The following ABL1 variants were observed in gnomAD, a reference collection of about 807,000 sequenced individuals.
The protein encoded by ABL1 is ABL proto-oncogene 1, non-receptor tyrosine kinase.
In ABL1, 11 loss-of-function variants were observed where a neutral mutation model predicts 94.7. The observed-to-expected ratio is 0.12, with a 90% CI of 0.07 to 0.19. ABL1 has a LOEUF of 0.19. Among genes scored for constraint, ABL1 ranks in the 10% least tolerant of loss-of-function variants. The pLI is 1.00. For synonymous variants in ABL1, 656 were observed against 622.4 expected (o/e 1.05, Z -0.80); for missense variants, 1,082 against 1,489.4 (o/e 0.73, Z 4.50).
chr9:130,815,042 TAATC>T lies in ABL1; in HGVS notation c.137-39020_137-39017del, dbSNP rs1830264242. Among the ~76,000 whole-genome samples the T allele has an allele frequency of 2.7e-5, 4 of 149,968 alleles. No homozygotes were observed. In the South Asian group the frequency reaches 8.5e-4, roughly 32 times the overall value. The stretch of plus-strand genomic sequence containing the variant: ...GTCTGACTTAAAGTCTTAATTAAAA[TAATC>T]AGACAGGCCGGGCATGGTGGCTCAC... On this transcript the variant is annotated intron_variant, in intron 1 of 10. Transcript: ENST00000372348.
chr9:130,875,524 CT>C, intron 7 of ABL1, among the ~76,000 whole-genome samples: 1 of 151,276 alleles, frequency 6.6e-6, no homozygotes, highest in Admixed American at 6.6e-5. Context: ...TCTGTTAAGT[CT>C]CCTCTATAAG....
At chr9:130,882,746 G>A (rs1831482142) in intron 10 of ABL1, among the ~76,000 whole-genome samples, 1 of 152,130 alleles carries the variant, frequency 6.6e-6, no homozygotes, top group Non-Finnish European at 1.5e-5. Flanking sequence ...ATGTTGGCCA[G>A]GATGGTCTCT....
At chr9:130,842,543 A>G (rs1487002944) in intron 1 of ABL1, among the ~76,000 whole-genome samples, 1 of 152,214 alleles carries the variant, frequency 6.6e-6, no homozygotes, top group Non-Finnish European at 1.5e-5. Flanking sequence ...AAATACCATG[A>G]GGGTGGGGAG....
chr9:130,799,362 C>T (rs1172669358), intron 1 of ABL1, among the ~76,000 whole-genome samples: 1 of 152,122 alleles, frequency 6.6e-6, no homozygotes, highest in African/African-American at 2.4e-5. Flanking sequence ...CAGATTGACA[C>T]TAGGAAAGAG....
intron 1 of ABL1, among the ~76,000 whole-genome samples, chr9:130,848,282 C>G (rs1019507035): frequency 1.4e-5 from 2 of 144,116 alleles, no homozygotes; most frequent in African/African-American, 5.1e-5. Context: ...GAGTAGATCA[C>G]TTGAGACCAG....
At chr9:130,808,869 T>G (rs1026423698) in intron 1 of ABL1, among the ~76,000 whole-genome samples, 2 of 152,190 alleles carry the variant, frequency 1.3e-5, no homozygotes, top group African/African-American at 2.4e-5. Flanking sequence ...CTGAAACAAC[T>G]GTAAAACTGG....
chr9:130,798,961 C>T (rs979577168), intron 1 of ABL1, among the ~76,000 whole-genome samples: 21 of 86,712 alleles, frequency 2.4e-4, no homozygotes, highest in Non-Finnish European at 3.8e-4. Flanking sequence ...GCAGAGACTC[C>T]GTCTCAAAAA....
Position 130,872,872 on chromosome 9 carries a change from G to A in ABL1, c.920G>A (p.Arg307Gln), listed in dbSNP as rs760861323. Reference sequence around the variant, plus strand: ...GTCTTGTTGGCAGGGGTCTGCACCCGGGAGCCCCCGTTCTATATCATCACT... The same window carrying A: ...GTCTTGTTGGCAGGGGTCTGCACCCAGGAGCCCCCGTTCTATATCATCACT... ...NLVQLLGVCT[R>Q]EPPFYIITEF... The change falls in exon 6 of 11, where the codon CGG becomes CAG. Residue 307 changes from arginine to glutamine, a missense_variant. This residue lies in a region of ABL1 where 92 missense variants were observed against 212.3 expected (regional missense o/e 0.43). Transcript: ENST00000318560. This position sits in a 1 kb window ranked among gnomAD's most constrained non-coding sequence, Gnocchi z 5.0. 3.1e-6 allele frequency: 5 copies of A among 1,611,062 alleles called. No homozygotes were observed. The highest frequency in any genetic ancestry group is 1.1e-5 in the South Asian group (1 of 90,910).
intron 1 of ABL1, among the ~76,000 whole-genome samples, chr9:130,736,829 T>A (rs1831750915): frequency 6.6e-6 from 1 of 152,168 alleles, no homozygotes; most frequent in Non-Finnish European, 1.5e-5. Context: ...AGATACATAC[T>A]TATCTTTCTG....
chr9:130,722,165 G>T (rs1831524909), intron 1 of ABL1, among the ~76,000 whole-genome samples: 1 of 152,012 alleles, frequency 6.6e-6, no homozygotes, highest in Non-Finnish European at 1.5e-5. Flanking sequence ...GGCTGAGGCG[G>T]GTGGATCACC....
At chr9:130,786,874 G>A (rs940798492) in intron 1 of ABL1, among the ~76,000 whole-genome samples, 8 of 152,166 alleles carry the variant, frequency 5.3e-5, no homozygotes, top group Non-Finnish European at 8.8e-5. Flanking sequence ...GGACCAATAA[G>A]GATGGAAGAA....
intron 1 of ABL1, among the ~76,000 whole-genome samples, chr9:130,768,629 G>T (rs1044467492): frequency 6.6e-6 from 1 of 152,210 alleles, no homozygotes; most frequent in Non-Finnish European, 1.5e-5. Flanking sequence ...GGCTCTGTCT[G>T]ACCCTGTCTG....
In ABL1 at chr9:130,779,777, G is replaced by A. The variant is rs35861896; in HGVS notation, c.136+65322G>A. Among the ~76,000 whole-genome samples, 1,347 of 152,252 alleles carry A rather than the reference G, an allele frequency of 8.8e-3. 20 individuals carry two copies. The highest frequency in any genetic ancestry group is 0.031 in the African/African-American group (1,280 of 41,540). On this transcript the variant is annotated intron_variant, in intron 1 of 10. Transcript: ENST00000372348. ...AAATGTCATACTCTTGATGCTTTTA[G>A]GTAGCTATTATCTTGGTAAGGATAA...
intron 10 of ABL1, 146 bp from the exon 11 acceptor site, chr9:130,883,822 GT>G: frequency 9.6e-7 from 1 of 1,042,042 alleles, no homozygotes. Context: ...TTTTTTGTTT[GT>G]TTGTTTGTTT....
At position 130,793,778 on chromosome 9, in the gene ABL1, A is replaced by T. The variant is rs143504760; in HGVS notation, c.137-60286A>T. Among the ~76,000 whole-genome samples, 269 of 152,252 alleles carry T rather than the reference A, an allele frequency of 1.8e-3. 2 individuals carry two copies. Among genetic ancestry groups the T allele is most frequent in the African/African-American group, 6.2e-3 (257 of 41,554 alleles). On this transcript the variant is annotated intron_variant, in intron 1 of 10. Transcript: ENST00000372348. ...GCAGGTGGTGAGCGGCAGGTAAGCA[A>T]TGAAGCTTCATCTGTATTTACAGCC...
intron 1 of ABL1, among the ~76,000 whole-genome samples, chr9:130,812,057 A>G (rs900520481): frequency 3.3e-5 from 5 of 151,760 alleles, no homozygotes; most frequent in African/African-American, 4.8e-5. Flanking sequence ...GTTAAAATTC[A>G]TATCAATAAT....
rs536248147 is a variant in ABL1, at chr9:130,876,214, A to G, written c.1270+1162A>G. 4.3e-4 allele frequency among the ~76,000 whole-genome samples: 66 copies of G among 152,126 alleles called. No homozygotes were observed. In the South Asian group the frequency reaches 0.012, roughly 28 times the overall value. On this transcript the variant is annotated intron_variant, in intron 7 of 10. Transcript: ENST00000318560. ...TACTGATATACAGTGCCTAGATCCA[A>G]TAGTTTGCTAGGTATTGCCAGGTAG... is the stretch of plus-strand genomic sequence containing the variant.
chr9:130,744,211 C>T (rs1023537746), intron 1 of ABL1, among the ~76,000 whole-genome samples: 2 of 151,748 alleles, frequency 1.3e-5, no homozygotes, highest in Non-Finnish European at 2.9e-5. Flanking sequence ...GCCACAATCT[C>T]GGCTCACTGC....
intron 4 of ABL1, among the ~76,000 whole-genome samples, chr9:130,870,435 C>T (rs192941174): frequency 1.3e-5 from 2 of 152,290 alleles, no homozygotes; most frequent in East Asian, 1.9e-4. Context: ...CCACTTGCTT[C>T]GAAAGCTTCC....
Sources: allele counts gnomAD v4.1 joint callset (sites outside exome capture counted in the v4.1 genomes callset), GRCh38; gene constraint gnomAD v4.1.1; regional missense constraint gnomAD v4.1.1; non-coding constraint Gnocchi (gnomAD v3.1); transcripts MANE v1.5; gene names NCBI Gene and HGNC (gene_info 2026-07-23, HGNC 2026-07-21).